The following PABPC1 variants were observed in gnomAD, a reference collection of about 807,000 sequenced individuals.
The protein encoded by PABPC1 is poly(A) binding protein cytoplasmic 1, also known as polyadenylate-binding protein 1.
A neutral mutation model predicts 74.0 loss-of-function variants in PABPC1; 4 were observed. The ratio of observed to expected loss-of-function variants is 0.05; its 90% CI spans 0.03 to 0.12. PABPC1 has a LOEUF of 0.12. Among genes scored for constraint, PABPC1 ranks in the 10% least tolerant of loss-of-function variants. PABPC1 has a pLI of 1.00. For synonymous variants in PABPC1, 227 were observed against 264.1 expected (o/e 0.86, Z 1.36); for missense variants, 271 against 821.1 (o/e 0.33, Z 8.19).
intron 14 of PABPC1, among the ~76,000 whole-genome samples, chr8:100,703,561 C>T (rs892542758): frequency 1.3e-5 from 2 of 152,144 alleles, no homozygotes; most frequent in Non-Finnish European, 1.5e-5. Context: ...ATAACACAGT[C>T]CTCAAAGCCC....
chr8:100,717,959 ATCTG>A (rs1554596758), intron 2 of PABPC1, 71 bp from the exon 3 acceptor site: 2 of 1,362,318 alleles, frequency 1.5e-6, no homozygotes, highest in Non-Finnish European at 2.1e-6. Flanking sequence ...TTGAGAGACA[ATCTG>A]TTAGCCATCT....
intron 9 of PABPC1, among the ~76,000 whole-genome samples, chr8:100,708,663 A>ATCAG (rs987375466): frequency 6.6e-6 from 1 of 152,050 alleles, no homozygotes; most frequent in African/African-American, 2.4e-5. Flanking sequence ...ATGACCTGAG[A>ATCAG]TCAGGAGCTC....
chr8:100,710,534 A>G (rs1810500399), intron 7 of PABPC1, among the ~76,000 whole-genome samples: 1 of 152,264 alleles, frequency 6.6e-6, no homozygotes, highest in Non-Finnish European at 1.5e-5. Flanking sequence ...GAAAAAATGT[A>G]GAACTCTTAA....
chr8:100,704,727 C>G (rs564351643), intron 13 of PABPC1, among the ~76,000 whole-genome samples, 199 bp downstream of exon 13: 3 of 152,312 alleles, frequency 2.0e-5, no homozygotes, highest in African/African-American at 7.2e-5. Flanking sequence ...GCTGTGTGAG[C>G]ATTTGGCAAA....
chr8:100,718,368 G>T (rs1238931684), intron 1 of PABPC1, 88 bp from the exon 2 acceptor site: 51 of 1,026,756 alleles, frequency 5.0e-5, no homozygotes, highest in Non-Finnish European at 6.9e-5. Context: ...ACTGGAGTGG[G>T]AGGACACATG....
At chr8:100,716,745 G>GT (rs1416442305) in intron 3 of PABPC1, among the ~76,000 whole-genome samples, 1 of 152,172 alleles carries the variant, frequency 6.6e-6, no homozygotes, top group Non-Finnish European at 1.5e-5. Context: ...TGTAATAGCT[G>GT]TTCACAGGCA....
intron 3 of PABPC1, among the ~76,000 whole-genome samples, chr8:100,717,020 A>T (rs935784881): frequency 6.6e-6 from 1 of 151,624 alleles, no homozygotes; most frequent in Non-Finnish European, 1.5e-5. Context: ...GTATTTATTT[A>T]TTTTTTTTAA....
At chr8:100,716,740 T>C (rs562022823) in intron 3 of PABPC1, among the ~76,000 whole-genome samples, 62 of 152,344 alleles carry the variant, frequency 4.1e-4, no homozygotes, top group African/African-American at 1.4e-3. Flanking sequence ...TGGAGTGTAA[T>C]AGCTGTTCAC....
chr8:100,709,540 A>G lies in PABPC1; in HGVS notation c.1164T>C (p.Ser388=). The G allele has an allele frequency of 1.2e-6, 2 of 1,614,242 alleles. No homozygotes were observed. Among genetic ancestry groups the G allele is most frequent in the Non-Finnish European group, 1.7e-6 (2 of 1,180,042 alleles). ...LTNQYMQRMA[S]VRAVPNPVIN... ...TTACAGGGTTGGGAACAGCTCGTAC[A>G]CTTGCCATTCTCTGCATATACTGGT... is the stretch of plus-strand genomic sequence containing the variant. The change falls in exon 8 of 15, where the codon AGT becomes AGC. Residue 388 remains serine, a synonymous_variant. Transcript: ENST00000318607.
At chr8:100,719,274 G>A (rs1156919799) in intron 1 of PABPC1, among the ~76,000 whole-genome samples, 1 of 152,154 alleles carries the variant, frequency 6.6e-6, no homozygotes, top group Non-Finnish European at 1.5e-5. Context: ...GTTATTGACA[G>A]GATGAATTTT....
chr8:100,714,406 T>C (rs1027714954), intron 4 of PABPC1, among the ~76,000 whole-genome samples: 6 of 152,184 alleles, frequency 3.9e-5, no homozygotes, highest in African/African-American at 1.4e-4. Context: ...AGTGGAGGGC[T>C]TGATGTGACA....
chr8:100,709,106 A>G, intron 9 of PABPC1, 27 bp downstream of exon 9: 1 of 1,556,226 alleles, frequency 6.4e-7, no homozygotes, highest in East Asian at 2.3e-5. Flanking sequence ...TCAATCCCCA[A>G]CCTTAATTAA....
chr8:100,711,415 A>G (rs1810524798), intron 7 of PABPC1, among the ~76,000 whole-genome samples: 1 of 152,246 alleles, frequency 6.6e-6, no homozygotes, highest in Non-Finnish European at 1.5e-5. Flanking sequence ...CTGAGGCTGC[A>G]GTGAGCTGTG....
chr8:100,721,664 A>T lies in PABPC1; in HGVS notation c.-81T>A. 3.5e-6 allele frequency: 3 copies of T among 856,390 alleles called. No individual in the cohort carries two copies. Among genetic ancestry groups the T allele is most frequent in the Non-Finnish European group, 3.2e-6 (2 of 629,292 alleles). 53.0% of individuals were successfully genotyped at this position (856,390 alleles called of 1,614,324 possible). A position where few individuals can be genotyped will look rare whatever the true frequency, so the allele number is the denominator to read the frequency against. On this transcript the variant is annotated 5_prime_UTR_variant, in exon 1 of 15. Transcript: ENST00000318607. The surrounding 1 kb of genome is among the most constrained non-coding windows in gnomAD (Gnocchi z 7.4). The stretch of plus-strand genomic sequence containing the variant: ...AGCGAGTGCCGGGGCTGGGGGCCGG[A>T]GCCGGGGGGAGGGGAGCGGGGAGCA...
chr8:100,716,818 T>A (rs952084866), intron 3 of PABPC1, among the ~76,000 whole-genome samples: 1 of 152,244 alleles, frequency 6.6e-6, no homozygotes, highest in African/African-American at 2.4e-5. Context: ...TGGCTGGGAA[T>A]AAAGGCACAC....
intron 3 of PABPC1, among the ~76,000 whole-genome samples, chr8:100,716,932 T>C (rs1024191380): frequency 6.6e-6 from 1 of 152,210 alleles, no homozygotes; most frequent in Non-Finnish European, 1.5e-5. Context: ...AACAGCAACA[T>C]ATCATTCTTT....
intron 12 of PABPC1, among the ~76,000 whole-genome samples, chr8:100,705,385 A>G (rs1352133098): frequency 6.6e-6 from 1 of 152,228 alleles, no homozygotes; most frequent in African/African-American, 2.4e-5. Flanking sequence ...GTAATGCCCT[A>G]CTACCCTATT....
intron 7 of PABPC1, among the ~76,000 whole-genome samples, chr8:100,711,172 C>T (rs1269719179): frequency 1.3e-5 from 2 of 152,034 alleles, no homozygotes; most frequent in Middle Eastern, 3.2e-3. Context: ...CCCAGCTACC[C>T]AGGAGGCTGA....
At position 100,715,621 on chromosome 8, in the gene PABPC1, C is replaced by G. The variant is rs745459634; in HGVS notation, c.504-20G>C. 1.3e-6 allele frequency: 2 copies of G among 1,556,644 alleles called. No homozygotes were observed. The highest frequency in any genetic ancestry group is 2.3e-5 in the South Asian group (2 of 85,944). On this transcript the variant is annotated intron_variant, in intron 3 of 14. Coordinates refer to ENST00000318607, the MANE Select transcript of PABPC1 (RefSeq NM_002568.4). ...ACAAATCTAATAAGATATACAAGGA[C>G]TATAACATTAGATTCTATTTTATAA...
Sources: gnomAD v4.1 joint callset for allele counts (sites outside exome capture counted in the v4.1 genomes callset) on GRCh38, gnomAD v4.1.1 for gene constraint, Gnocchi (gnomAD v3.1) non-coding constraint, MANE v1.5 for transcripts, NCBI Gene and HGNC (gene_info 2026-07-23, HGNC 2026-07-21) for gene names.